Variants in IRAK1BP1 observed in about 807,000 individuals in gnomAD.
IRAK1BP1 encodes interleukin-1 receptor-associated kinase 1-binding protein 1.
Under a neutral mutation model 28.0 loss-of-function variants are expected in IRAK1BP1, and 24 were observed. The observed-to-expected ratio is 0.86, with a 90% CI of 0.62 to 1.20. The LOEUF is 1.20. Ranked by LOEUF, IRAK1BP1 falls within the 50% of genes most tolerant of loss-of-function variation. The pLI, the probability that IRAK1BP1 is intolerant of heterozygous loss-of-function variation, is 0.00. For synonymous variants in IRAK1BP1, 131 were observed against 116.3 expected (o/e 1.13, Z -0.81); for missense variants, 336 against 316.7 (o/e 1.06, Z -0.46).
intron 1 of IRAK1BP1, among the ~76,000 whole-genome samples, chr6:78,875,270 A>T (rs1770956487): frequency 6.6e-6 from 1 of 152,222 alleles, no homozygotes; most frequent in African/African-American, 2.4e-5. Flanking sequence ...AGGAGTGCTT[A>T]TACTCTTGGT....
At chr6:78,925,882 C>A (rs1281542672) in intron 4 of IRAK1BP1, among the ~76,000 whole-genome samples, 1 of 152,084 alleles carries the variant, frequency 6.6e-6, no homozygotes, top group Non-Finnish European at 1.5e-5. Flanking sequence ...AAATTATGTC[C>A]TTTGCAGCAA....
At chr6:78,925,249 A>G (rs1772855619) in intron 4 of IRAK1BP1, among the ~76,000 whole-genome samples, 1 of 152,140 alleles carries the variant, frequency 6.6e-6, no homozygotes, top group Non-Finnish European at 1.5e-5. Context: ...ACGGCACACC[A>G]ACATGGCACA....
rs1191918937 is a variant in IRAK1BP1 at position 78,902,845 on chromosome 6, CTG to C, written c.*4513_*4514del. On this transcript the variant is annotated 3_prime_UTR_variant, in exon 4 of 4. Transcript: ENST00000369940. ...ATAAAATGCCCAGTATCTTACAAGACTGTAGTTCACAGTGGGTAATTCAAATC... is the reference window on the plus strand; with the variant it reads ...ATAAAATGCCCAGTATCTTACAAGACTAGTTCACAGTGGGTAATTCAAATC... The C allele has an allele frequency of 3.4e-6, 2 of 591,846 alleles. No individual in the cohort carries two copies. Among genetic ancestry groups the C allele is most frequent in the Non-Finnish European group, 3.0e-6 (1 of 333,442 alleles). 36.7% of individuals were successfully genotyped at this position (591,846 alleles called of 1,614,324 possible).
intron 1 of IRAK1BP1, among the ~76,000 whole-genome samples, chr6:78,876,910 G>A (rs1410335473): frequency 2.6e-5 from 4 of 152,154 alleles, no homozygotes; most frequent in Non-Finnish European, 5.9e-5. Context: ...CTCATACTCT[G>A]TGTTGGAACC....
chr6:78,956,830 A>G, the IRAK1BP1 span: 1 of 151,786 alleles, frequency 6.6e-6, no homozygotes, highest in African/African-American at 2.4e-5. Flanking sequence ...CTAAACTTTT[A>G]TACAATTCTC....
chr6:78,933,290 T>C (rs539363640), intron 4 of IRAK1BP1, among the ~76,000 whole-genome samples: 1 of 152,338 alleles, frequency 6.6e-6, no homozygotes, highest in East Asian at 1.9e-4. Flanking sequence ...AGCACCCCCT[T>C]GCACTTTTAT....
intron 2 of IRAK1BP1, among the ~76,000 whole-genome samples, chr6:78,886,954 C>T (rs560038894): frequency 3.6e-4 from 55 of 152,288 alleles, no homozygotes; most frequent in African/African-American, 1.3e-3. Flanking sequence ...TCATATCACA[C>T]AGTCCAATAC....
At chr6:78,891,910 A>G (rs1210976887) in intron 2 of IRAK1BP1, among the ~76,000 whole-genome samples, 1 of 152,138 alleles carries the variant, frequency 6.6e-6, no homozygotes, top group African/African-American at 2.4e-5. Context: ...AGCATTTTCC[A>G]TATATTATTC....
intron 4 of IRAK1BP1, among the ~76,000 whole-genome samples, chr6:78,944,955 A>G (rs1582079327): frequency 7.1e-6 from 1 of 140,976 alleles, no homozygotes; most frequent in Non-Finnish European, 1.6e-5. Context: ...ATTATTTAGT[A>G]AAAGTCAGTC....
At chr6:78,976,851 G>A in the IRAK1BP1 span, among the ~76,000 whole-genome samples, 26 of 114,956 alleles carry the variant, frequency 2.3e-4, no homozygotes, top group African/African-American at 7.6e-4. Context: ...AGTTAGAATG[G>A]CAATCATTAA....
In IRAK1BP1 at chr6:78,945,376, T is replaced by C. The variant is rs753693081; in HGVS notation, c.*68-32T>C. 5 of 1,613,654 alleles carry C rather than the reference T, an allele frequency of 3.1e-6. No individual in the cohort carries two copies. The African/African-American group carries it at 5.3e-5, about 17-fold the overall frequency. Reference sequence around the variant, plus strand: ...CAGATGACTTCATTTTACGTTTGACTGGCTTTTCCTTTTCCATGTTTTCTT... The same window carrying C: ...CAGATGACTTCATTTTACGTTTGACCGGCTTTTCCTTTTCCATGTTTTCTT... On this transcript the variant is annotated intron_variant and NMD_transcript_variant, in intron 4 of 4. Coordinates refer to the IRAK1BP1 transcript ENST00000606868.
At chr6:78,921,555 C>T (rs997176095) in intron 4 of IRAK1BP1, among the ~76,000 whole-genome samples, 10 of 152,200 alleles carry the variant, frequency 6.6e-5, no homozygotes, top group African/African-American at 2.4e-4. Context: ...ATGTCCCTGT[C>T]TGACACCTTT....
At chr6:78,889,246 C>T (rs1771543121) in intron 2 of IRAK1BP1, among the ~76,000 whole-genome samples, 1 of 151,754 alleles carries the variant, frequency 6.6e-6, no homozygotes, top group Admixed American at 6.6e-5. Flanking sequence ...TGCTGCTTCT[C>T]TTTGTTTCAA....
intron 4 of IRAK1BP1, among the ~76,000 whole-genome samples, chr6:78,941,729 T>G (rs1773511491): frequency 6.6e-6 from 1 of 152,144 alleles, no homozygotes; most frequent in Non-Finnish European, 1.5e-5. Context: ...TCACAGGCTT[T>G]GAAAAGTCCT....
chr6:78,880,198 A>C (rs142574870), intron 1 of IRAK1BP1, among the ~76,000 whole-genome samples: 15 of 152,336 alleles, frequency 9.8e-5, no homozygotes, highest in Admixed American at 3.9e-4. Flanking sequence ...AGTATCCCTT[A>C]TCTGAAATGT....
At chr6:78,932,903 A>AT (rs1216390711) in intron 4 of IRAK1BP1, among the ~76,000 whole-genome samples, 4 of 151,960 alleles carry the variant, frequency 2.6e-5, no homozygotes, top group Non-Finnish European at 5.9e-5. Context: ...TATCTTTTTT[A>AT]TTTTTTTATT....
chr6:78,875,190 TCA>T (rs1770953205), intron 1 of IRAK1BP1, among the ~76,000 whole-genome samples: 1 of 152,048 alleles, frequency 6.6e-6, no homozygotes, highest in African/African-American at 2.4e-5. Context: ...AAATACCGTC[TCA>T]CACTAGTAAG....
chr6:78,951,771 ACTTT>A, the IRAK1BP1 span, among the ~76,000 whole-genome samples: 1 of 152,222 alleles, frequency 6.6e-6, no homozygotes, highest in East Asian at 1.9e-4. Flanking sequence ...AAAGTGAACT[ACTTT>A]CTTTATATAA....
intron 4 of IRAK1BP1, among the ~76,000 whole-genome samples, chr6:78,933,534 G>C (rs1471611693): frequency 6.6e-6 from 1 of 152,154 alleles, no homozygotes; most frequent in East Asian, 1.9e-4. Context: ...AGAATCGCTT[G>C]AACCCAGGAG....
Sources: allele counts gnomAD v4.1 joint callset (sites outside exome capture counted in the v4.1 genomes callset), GRCh38; gene constraint gnomAD v4.1.1; transcripts MANE v1.5; gene names NCBI Gene and HGNC (gene_info 2026-07-23, HGNC 2026-07-21).